RGPD2: variants seen among roughly 807,000 people sequenced by gnomAD.
RGPD2 encodes RANBP2 like and GRIP domain containing 2, also known as RANBP2-like and GRIP domain-containing protein 2.
In RGPD2, 2 loss-of-function variants were observed where a neutral mutation model predicts 36.0. The observed-to-expected ratio is 0.06, with a 90% CI of 0.02 to 0.17. The LOEUF (loss-of-function observed/expected upper bound fraction) is 0.17, where lower values mean the gene tolerates loss of function less well. Among genes scored for constraint, RGPD2 ranks in the 10% least tolerant of loss-of-function variants. The pLI, the probability that RGPD2 is intolerant of heterozygous loss-of-function variation, is 1.00. For synonymous variants in RGPD2, 19 were observed against 163.8 expected (o/e 0.12, Z 6.75); for missense variants, 40 against 464.3 (o/e 0.09, Z 8.40).
the RGPD2 span, among the ~76,000 whole-genome samples, chr2:87,878,409 T>C: frequency 6.6e-6 from 1 of 150,874 alleles, no homozygotes; most frequent in South Asian, 2.1e-4. Flanking sequence ...AATAGACTAT[T>C]GTTGCTATCA....
the RGPD2 span, among the ~76,000 whole-genome samples, chr2:87,882,235 T>A: frequency 2.0e-5 from 3 of 150,818 alleles, no homozygotes; most frequent in East Asian, 1.9e-4. Flanking sequence ...TTATTTTAAA[T>A]CTTATCTTTA....
chr2:87,825,684 GCA>G lies in RGPD2; in HGVS notation c.44_45del (p.Val15AlafsTer22). 1.9e-6 allele frequency: 3 copies of G among 1,598,058 alleles called. No individual in the cohort carries two copies. In the South Asian group the frequency reaches 3.4e-5, roughly 18 times the overall value. On this transcript the variant is annotated frameshift_variant, in exon 1 of 23. Coordinates refer to ENST00000398146, the MANE Select transcript of RGPD2 (RefSeq NM_001078170.3). LOFTEE classifies it high-confidence loss of function. The stretch of plus-strand genomic sequence containing the variant: ...TTTCCAGGCGACGGGGCGGAGCCCT[GCA>G]CCGAGGCGAGGTACCGCTCCCCGTA... ...KAYGERYLAS[V>X]QGSAPSPGKK...
At chr2:87,905,679 AC>A in the RGPD2 span, among the ~76,000 whole-genome samples, 1 of 149,348 alleles carries the variant, frequency 6.7e-6, no homozygotes, top group African/African-American at 2.5e-5. Context: ...CATTTCAATC[AC>A]TTTATTATAC....
chr2:87,869,701 T>C, the RGPD2 span, among the ~76,000 whole-genome samples: 521 of 152,194 alleles, frequency 3.4e-3, 1 homozygote, highest in African/African-American at 0.012. Flanking sequence ...TTAGCACTGG[T>C]ATCCAGACCT....
At chr2:87,934,963 T>A in the RGPD2 span, among the ~76,000 whole-genome samples, 1 of 151,436 alleles carries the variant, frequency 6.6e-6, no homozygotes, top group Non-Finnish European at 1.5e-5. Flanking sequence ...TGTTTTGATG[T>A]ATTTTTTCTT....
the RGPD2 span, among the ~76,000 whole-genome samples, chr2:87,943,644 T>C: frequency 1.2e-4 from 18 of 152,168 alleles, no homozygotes; most frequent in African/African-American, 4.3e-4. Flanking sequence ...TTTAGCTTAA[T>C]GTAGCCTCAT....
the RGPD2 span, among the ~76,000 whole-genome samples, chr2:87,857,232 A>G: frequency 6.6e-6 from 1 of 152,278 alleles, no homozygotes; most frequent in Non-Finnish European, 1.5e-5. Flanking sequence ...TGCACATTTT[A>G]TAGATTATAG....
chr2:87,971,855 G>A, the RGPD2 span, among the ~76,000 whole-genome samples: 3 of 152,168 alleles, frequency 2.0e-5, no homozygotes, highest in African/African-American at 7.2e-5. Context: ...TTTGCCAAGA[G>A]TAATAATAAT....
chr2:87,973,193 G>A, the RGPD2 span: 4 of 1,606,522 alleles, frequency 2.5e-6, no homozygotes, highest in South Asian at 1.1e-5. Flanking sequence ...AATGTGGAAG[G>A]TGTTTCCTCC....
chr2:87,935,296 A>G, the RGPD2 span, among the ~76,000 whole-genome samples: 2 of 151,090 alleles, frequency 1.3e-5, no homozygotes, highest in Non-Finnish European at 3.0e-5. Flanking sequence ...AGATAAAAAT[A>G]AACAAAGAGA....
the RGPD2 span, among the ~76,000 whole-genome samples, chr2:87,937,538 A>G: frequency 6.6e-6 from 1 of 151,830 alleles, no homozygotes. Context: ...ACATGATGAA[A>G]AAAGAGCAAG....
chr2:87,978,986 G>A, the RGPD2 span, among the ~76,000 whole-genome samples: 4 of 150,086 alleles, frequency 2.7e-5, no homozygotes, highest in Non-Finnish European at 5.9e-5. Context: ...TGTAATCTCA[G>A]CACTTTGGGA....
chr2:87,872,786 G>A, the RGPD2 span, among the ~76,000 whole-genome samples: 500 of 150,932 alleles, frequency 3.3e-3, 4 homozygotes, highest in African/African-American at 0.012. Context: ...CCGAGGCAGG[G>A]TCTTCCTCTG....
chr2:87,979,611 GC>G, the RGPD2 span, among the ~76,000 whole-genome samples: 3 of 83,886 alleles, frequency 3.6e-5, no homozygotes, highest in African/African-American at 1.4e-4. Context: ...GAGGGGCCAG[GC>G]CCAGTGGCTC....
chr2:87,883,409 CT>C, the RGPD2 span, among the ~76,000 whole-genome samples: 1 of 151,346 alleles, frequency 6.6e-6, no homozygotes, highest in Non-Finnish European at 1.5e-5. Flanking sequence ...AAAAAAGGCC[CT>C]AATAAAACAC....
intron 7 of RGPD2, among the ~76,000 whole-genome samples, chr2:87,805,581 G>A (rs71249887): frequency 0.19 from 26,499 of 141,254 alleles, no homozygotes; most frequent in East Asian, 0.34. Context: ...AAAAAAGTCC[G>A]GGAATGGTGG....
chr2:87,769,443 T>C (rs1285914200), intron 22 of RGPD2, among the ~76,000 whole-genome samples: 38 of 150,816 alleles, frequency 2.5e-4, no homozygotes, highest in Middle Eastern at 3.4e-3. Context: ...TTACAGGACT[T>C]ACCAAATGCA....
the RGPD2 span, among the ~76,000 whole-genome samples, chr2:87,957,448 G>A: frequency 7.6e-4 from 115 of 152,162 alleles, no homozygotes; most frequent in Middle Eastern, 3.4e-3. Context: ...TGACTGGGAA[G>A]TCCAAGATAG....
rs1482326526 is a variant in RGPD2 at position 87,756,427 on chromosome 2, C to T, written c.*965G>A. On this transcript the variant is annotated 3_prime_UTR_variant, in exon 23 of 23. Transcript: ENST00000398146. Reference sequence around the variant, plus strand: ...CTTTCCCCATTCTCTTACTCTGTCTCATCATGTATGTAACATGTATCCATG... The same window carrying T: ...CTTTCCCCATTCTCTTACTCTGTCTTATCATGTATGTAACATGTATCCATG... 2.2e-5 allele frequency: 4 copies of T among 182,180 alleles called. No individual in the cohort carries two copies. The highest frequency in any genetic ancestry group is 4.6e-5 in the Non-Finnish European group (4 of 86,292). The allele number at this position is 182,180 out of a possible 1,614,324, so 11.3% of individuals were successfully genotyped here. A position where few individuals can be genotyped will look rare whatever the true frequency, so the allele number is the denominator to read the frequency against.
Sources: gnomAD v4.1 joint callset for allele counts (sites outside exome capture counted in the v4.1 genomes callset) on GRCh38, gnomAD v4.1.1 for gene constraint, MANE v1.5 for transcripts, NCBI Gene and HGNC (gene_info 2026-07-23, HGNC 2026-07-21) for gene names.